ZBTB48: variants seen among roughly 807,000 people sequenced by gnomAD.
ZBTB48 encodes the protein zinc finger and BTB domain-containing protein 48.
ZBTB48 carries 35 observed loss-of-function variants against 64.5 expected under a neutral mutation model. The ratio of observed to expected loss-of-function variants is 0.54; its 90% CI spans 0.41 to 0.72. The LOEUF (loss-of-function observed/expected upper bound fraction) is 0.72, where lower values mean the gene tolerates loss of function less well. ZBTB48 is among the 30% of genes least tolerant of loss of function. ZBTB48 has a pLI of 0.00. For synonymous variants in ZBTB48, 442 were observed against 356.7 expected (o/e 1.24, Z -2.70); for missense variants, 828 against 895.3 (o/e 0.92, Z 0.96).
Position 6,588,739 on chromosome 1 carries a change from T to C in ZBTB48, c.1682-17T>C, listed in dbSNP as rs776002051. On this transcript the variant is annotated splice_polypyrimidine_tract_variant and intron_variant, in intron 9 of 10. Coordinates refer to ENST00000377674, the MANE Select transcript of ZBTB48 (RefSeq NM_005341.4). ...GGGGCTCCTGCATGATCCCCCACGG[T>C]GTTCTCCCTCTTGCAGCCGTGGAGC... is the stretch of plus-strand genomic sequence containing the variant. 7 of 1,613,816 alleles carry C rather than the reference T, an allele frequency of 4.3e-6. No individual in the cohort carries two copies. In the East Asian group the frequency reaches 1.1e-4, roughly 26 times the overall value.
At chr1:6,587,388 C>CG (rs903699485) in intron 6 of ZBTB48, 90 bp from the exon 7 acceptor site, 165 of 1,606,692 alleles carry the variant, frequency 1.0e-4, no homozygotes, top group Middle Eastern at 1.8e-4. Flanking sequence ...TTCTGTTGTT[C>CG]GGGGGGGTGC....
intron 5 of ZBTB48, 120 bp from the exon 6 acceptor site, chr1:6,587,085 G>A (rs761095435): frequency 1.8e-5 from 20 of 1,113,268 alleles, no homozygotes; most frequent in African/African-American, 7.7e-5. Context: ...CAGATCAGGG[G>A]TCCTCCCAGA....
Position 6,587,482 on chromosome 1 carries a change from C to G in ZBTB48, c.1229C>G (p.Pro410Arg). 7 of 1,613,874 alleles carry G rather than the reference C, an allele frequency of 4.3e-6. No homozygotes were observed. The highest frequency in any genetic ancestry group is 5.9e-6 in the Non-Finnish European group (7 of 1,179,998). The part of the protein sequence containing the change: ...LHGAPKPHAC[P>R]TCAKCFLSRT... Reference sequence around the variant, plus strand: ...GCCTGCCTGGTCTGCCTGCAGTGCCCCACCTGTGCCAAGTGCTTCCTGTCT... The same window carrying G: ...GCCTGCCTGGTCTGCCTGCAGTGCCGCACCTGTGCCAAGTGCTTCCTGTCT... Residue 410 changes from proline to arginine, a missense_variant, in exon 7 of 11, where the codon CCC (proline) becomes CGC (arginine). Pro to Arg is a moderately radical substitution (Grantham distance 103, BLOSUM62 -2). Transcript: ENST00000377674.
Position 6,580,585 on chromosome 1 carries a change from C to A in ZBTB48, c.-25C>A. ...CTCGCTTAGGCTGGCCGGGGTGTCA[C>A]TTCTGCCTCCCTGCCCTCCAGACCA... On this transcript the variant is annotated 5_prime_UTR_variant, in exon 2 of 11. Transcript: ENST00000377674. This position sits in a 1 kb window ranked among gnomAD's most constrained non-coding sequence, Gnocchi z 5.2. 6.3e-7 allele frequency: 1 copy of A among 1,593,502 alleles called. No individual in the cohort carries two copies. Among genetic ancestry groups the A allele is most frequent in the Non-Finnish European group, 8.6e-7 (1 of 1,167,074 alleles).
intron 4 of ZBTB48, 103 bp from the exon 5 acceptor site, chr1:6,586,592 C>A (rs1640675530): frequency 7.1e-7 from 1 of 1,417,232 alleles, no homozygotes; most frequent in Non-Finnish European, 9.2e-7. Context: ...CCACCCTCCC[C>A]AGGCAGACTC....
At position 6,585,932 on chromosome 1, in the gene ZBTB48, G is replaced by C. The variant is rs1163835108; in HGVS notation, c.946G>C (p.Glu316Gln). The C allele has an allele frequency of 6.2e-7, 1 of 1,613,952 alleles. No individual in the cohort carries two copies. Among genetic ancestry groups the C allele is most frequent in the Non-Finnish European group, 8.5e-7 (1 of 1,179,984 alleles). Reference sequence around the variant, plus strand: ...TTCTCCTGGCAGGAAACATACTGGGGAGAAACCCTTTGAGTGTCCCAAATG... The same window carrying C: ...TTCTCCTGGCAGGAAACATACTGGGCAGAAACCCTTTGAGTGTCCCAAATG... ...LKVHNRKHTG[E>Q]KPFECPKCGK... The change falls in exon 4 of 11, where the codon GAG (glutamate) becomes CAG (glutamine). Residue 316 changes from glutamate (E) to glutamine (Q), a missense_variant. Coordinates refer to ENST00000377674, the MANE Select transcript of ZBTB48 (RefSeq NM_005341.4).
rs746817058 is a variant in ZBTB48 at position 6,581,155 on chromosome 1, G to T, written c.546G>T (p.Gln182His). 6.2e-6 allele frequency: 10 copies of T among 1,613,386 alleles called. No individual in the cohort carries two copies. The highest frequency in any genetic ancestry group is 8.5e-6 in the Non-Finnish European group (10 of 1,180,034). Reference protein sequence around the residue: ...PQRPQLHSPAQSEGPSSLCGK... With the variant: ...PQRPQLHSPAHSEGPSSLCGK... The stretch of plus-strand genomic sequence containing the variant: ...GGCCCCAGCTCCATTCCCCAGCTCA[G>T]AGTGAGGGCCCCTCCTCCCTCTGTG... The change falls in exon 2 of 11, where the codon CAG becomes CAT. Residue 182 changes from glutamine (Q) to histidine (H), a missense_variant. By Grantham distance (24) the Gln-to-His change is conservative (BLOSUM62 0). Transcript: ENST00000377674.
At position 6,586,675 on chromosome 1, in the gene ZBTB48, C is replaced by T. The variant is rs771180294; in HGVS notation, c.1045-20C>T. 2.6e-6 allele frequency: 4 copies of T among 1,527,906 alleles called. No homozygotes were observed. Among genetic ancestry groups the T allele is most frequent in the Admixed American group, 2.1e-5 (1 of 48,050 alleles). 94.6% of individuals were successfully genotyped at this position (1,527,906 alleles called of 1,614,324 possible). A position where few individuals can be genotyped will look rare whatever the true frequency, so the allele number is the denominator to read the frequency against. ...GAGGCCCCCGCTGATGCCGGCCCTG[C>T]TTGCCCCTCACACTGCCAGGTCTTC... On this transcript the variant is annotated intron_variant, in intron 4 of 10. Coordinates refer to ENST00000377674, the MANE Select transcript of ZBTB48 (RefSeq NM_005341.4).
chr1:6,583,393 T>C lies in ZBTB48; in HGVS notation c.932+1094T>C, dbSNP rs187673728. 1.1e-3 allele frequency among the ~76,000 whole-genome samples: 171 copies of C among 151,510 alleles called. 1 individual carries two copies. The highest frequency in any genetic ancestry group is 3.8e-3 in the African/African-American group (158 of 41,276). The stretch of plus-strand genomic sequence containing the variant: ...TCGGCTCACTGCAACCTCCGCCTCC[T>C]GGGTTCAAGCGATTCTCCTGTCTCA... On this transcript the variant is annotated intron_variant, in intron 3 of 10. Coordinates refer to ENST00000377674, the MANE Select transcript of ZBTB48 (RefSeq NM_005341.4).
chr1:6,583,679 C>A (rs1640554792), intron 3 of ZBTB48, among the ~76,000 whole-genome samples: 1 of 151,190 alleles, frequency 6.6e-6, no homozygotes, highest in Admixed American at 6.6e-5. Flanking sequence ...TGGCTCACTG[C>A]AACTTCTGTC....
rs754544102 is a variant in ZBTB48, at chr1:6,581,033, G to A, written c.424G>A (p.Val142Ile). Residue 142 changes from valine to isoleucine, a missense_variant, in exon 2 of 11, where the codon GTC (valine) becomes ATC (isoleucine). Val to Ile is a conservative substitution (Grantham distance 29). Coordinates refer to ENST00000377674, the MANE Select transcript of ZBTB48 (RefSeq NM_005341.4). ...TGCCTCCCAGAATGTGAACAGCCAC[G>A]TCAAGGAGCCGGCAGGCTTGGAAGA... The part of the protein sequence containing the change: ...PPASQNVNSH[V>I]KEPAGLEEEE... The A allele has an allele frequency of 1.2e-5, 20 of 1,613,300 alleles. No homozygotes were observed. The highest frequency in any genetic ancestry group is 5.0e-5 in the Admixed American group (3 of 60,010).
chr1:6,582,762 G>T (rs1271939971), intron 3 of ZBTB48, among the ~76,000 whole-genome samples: 1 of 152,198 alleles, frequency 6.6e-6, no homozygotes, highest in African/African-American at 2.4e-5. Context: ...GTGTCAGTGG[G>T]GCATTCAAGT....
chr1:6,585,873 T>C, intron 3 of ZBTB48, 46 bp from the exon 4 acceptor site: 1 of 1,582,852 alleles, frequency 6.3e-7, no homozygotes. Context: ...GAGGGAGAGA[T>C]GGGAAACCCT....
chr1:6,588,757 C>T lies in ZBTB48; in HGVS notation c.1683C>T (p.Ala561=), dbSNP rs1479607494. Residue 561 remains alanine (A), a splice_region_variant and synonymous_variant, in exon 10 of 11, where the codon GCC becomes GCT. Transcript: ENST00000377674. The part of the protein sequence containing the change: ...FCQICGKTFK[A]VEQLRVHVRR... ...CCCACGGTGTTCTCCCTCTTGCAGC[C>T]GTGGAGCAACTGCGTGTGCACGTCA... 5.0e-6 allele frequency: 8 copies of T among 1,614,036 alleles called. No homozygotes were observed. The highest frequency in any genetic ancestry group is 2.7e-5 in the African/African-American group (2 of 75,064).
chr1:6,585,812 C>A, intron 3 of ZBTB48, 107 bp from the exon 4 acceptor site: 1 of 1,047,892 alleles, frequency 9.5e-7, no homozygotes, highest in South Asian at 1.3e-5. Context: ...CAGCCGGTGT[C>A]ACCTGAGAAC....
intron 2 of ZBTB48, 83 bp from the exon 3 acceptor site, chr1:6,581,975 G>A (rs1375344835): frequency 1.1e-5 from 17 of 1,576,768 alleles, no homozygotes; most frequent in Non-Finnish European, 1.5e-5. Flanking sequence ...TTGGGGCTTG[G>A]GATGGAACTG....
rs144784264 is a variant in ZBTB48 at position 6,581,130 on chromosome 1, G to C, written c.521G>C (p.Arg174Thr). The C allele has an allele frequency of 8.1e-6, 13 of 1,613,366 alleles. No homozygotes were observed. Among genetic ancestry groups the C allele is most frequent in the Non-Finnish European group, 9.3e-6 (11 of 1,179,988 alleles). Residue 174 changes from arginine (R) to threonine (T), a missense_variant, in exon 2 of 11, where the codon AGG becomes ACG. Transcript: ENST00000377674. The stretch of plus-strand genomic sequence containing the variant: ...CCCAGAGGCAGTCATAGTCCTCAGA[G>C]GCCCCAGCTCCATTCCCCAGCTCAG... ...QEPRGSHSPQRPQLHSPAQSE... is the reference protein window; with the variant it reads ...QEPRGSHSPQTPQLHSPAQSE...
intron 4 of ZBTB48, 123 bp from the exon 5 acceptor site, chr1:6,586,572 C>T: frequency 7.3e-7 from 1 of 1,368,348 alleles, no homozygotes. Flanking sequence ...CCTCTCCCAC[C>T]CTAGCGTCCC....
intron 2 of ZBTB48, among the ~76,000 whole-genome samples, chr1:6,581,579 A>T (rs1484719251): frequency 6.6e-6 from 1 of 151,754 alleles, no homozygotes; most frequent in Non-Finnish European, 1.5e-5. Context: ...TGGGAGGATC[A>T]CTTGAGCCCA....
Sources: allele counts gnomAD v4.1 joint callset (sites outside exome capture counted in the v4.1 genomes callset), GRCh38; gene constraint gnomAD v4.1.1; non-coding constraint Gnocchi (gnomAD v3.1); transcripts MANE v1.5; gene names NCBI Gene and HGNC (gene_info 2026-07-23, HGNC 2026-07-21).